Variants in PSMG2 observed in about 807,000 individuals in gnomAD.
PSMG2 encodes proteasome assembly chaperone 2.
In PSMG2, 21 loss-of-function variants were observed where a neutral mutation model predicts 31.5. The observed-to-expected ratio is 0.67, with a 90% CI of 0.47 to 0.96. PSMG2 has a LOEUF of 0.96. PSMG2 is among the 40% of genes least tolerant of loss of function. The pLI is 0.00. For synonymous variants in PSMG2, 120 were observed against 110.4 expected, an observed-to-expected ratio of 1.09 and a Z score of -0.54; for missense variants, 318 against 321.2, an observed-to-expected ratio of 0.99 and a Z score of 0.08.
At chr18:12,673,810 G>A (rs1436753870) in intron 1 of PSMG2, among the ~76,000 whole-genome samples, 32 of 152,240 alleles carry the variant, frequency 2.1e-4, no homozygotes, top group Admixed American at 2.1e-3. Context: ...GAATCCAGGA[G>A]GCAGAGGTTG....
chr18:12,703,217 C>A (rs2040217420), intron 1 of PSMG2, 53 bp downstream of exon 1: 2 of 1,546,254 alleles, frequency 1.3e-6, no homozygotes, highest in Non-Finnish European at 1.8e-6. Flanking sequence ...CCTGCGGTGT[C>A]GCCACCCCGA....
At position 12,705,227 on chromosome 18, in the gene PSMG2, G is replaced by A. The variant is rs112696761; in HGVS notation, c.58-1323G>A. ...TTATAGGCATGCACCACCACGCCCA[G>A]CTAATTTTGTATTTTTGGTAGAGAC... On this transcript the variant is annotated intron_variant, in intron 1 of 6. Transcript: ENST00000317615. Among the ~76,000 whole-genome samples the A allele has an allele frequency of 9.2e-3, 1,406 of 152,178 alleles. 24 individuals are homozygous for A. The highest frequency in any genetic ancestry group is 0.032 in the African/African-American group (1,341 of 41,514).
At chr18:12,701,958 C>T (rs1324938656), upstream of PSMG2, among the ~76,000 whole-genome samples, 1 of 152,034 alleles carries the variant, frequency 6.6e-6, no homozygotes, top group African/African-American at 2.4e-5. Flanking sequence ...GTGAAACCGT[C>T]TCTACTAAAA....
rs768143998 is a variant in PSMG2 at position 12,703,154 on chromosome 18, C to T, written c.47C>T (p.Thr16Ile). 9.9e-6 allele frequency: 16 copies of T among 1,611,102 alleles called. No individual in the cohort carries two copies. The highest frequency in any genetic ancestry group is 1.2e-5 in the Non-Finnish European group (14 of 1,179,140). Residue 16 changes from threonine (T) to isoleucine (I), a missense_variant, in exon 1 of 7, where the codon ACC (threonine) becomes ATC (isoleucine). By Grantham distance (89) the Thr-to-Ile change is moderately conservative. Coordinates refer to ENST00000317615, the MANE Select transcript of PSMG2 (RefSeq NM_020232.5). Reference protein sequence around the residue: ...GESAPDLAGFTLLMPAVSVGN... With the variant: ...GESAPDLAGFILLMPAVSVGN... ...TCGGCCCCCGACCTTGCCGGCTTCA[C>T]CCTCCTAATGGTGAGTCTCCATTTG...
chr18:12,668,310 G>C lies in PSMG2; in HGVS notation c.-37+9537G>C, dbSNP rs1035810491. Among the ~76,000 whole-genome samples the C allele has an allele frequency of 2.0e-5, 3 of 151,750 alleles. No individual in the cohort carries two copies. In the East Asian group the frequency reaches 5.8e-4, roughly 29 times the overall value. On this transcript the variant is annotated intron_variant, in intron 1 of 6. Transcript: ENST00000585331. Reference sequence around the variant, plus strand: ...CCACTGGCCAAAAAAAGTGGATGGAGGCTGGGTGCCGTCGCAGATGCCAAT... The same window carrying C: ...CCACTGGCCAAAAAAAGTGGATGGACGCTGGGTGCCGTCGCAGATGCCAAT...
chr18:12,664,326 G>A (rs986045022), intron 1 of PSMG2, among the ~76,000 whole-genome samples: 9 of 151,928 alleles, frequency 5.9e-5, no homozygotes, highest in Non-Finnish European at 1.2e-4. Context: ...GGTGGATCAC[G>A]AGGCCAGGAG....
intron 3 of PSMG2, among the ~76,000 whole-genome samples, chr18:12,713,656 T>C (rs1386115676): frequency 2.6e-5 from 4 of 152,214 alleles, no homozygotes; most frequent in Non-Finnish European, 5.9e-5. Context: ...TACTTGGCCA[T>C]ATTGGTTCCA....
chr18:12,708,700 C>CTTTTTT (rs71371298), intron 2 of PSMG2, among the ~76,000 whole-genome samples: 5 of 88,750 alleles, frequency 5.6e-5, no homozygotes, highest in African/African-American at 8.7e-5. Context: ...TTACAACGTT[C>CTTTTTT]TTTTTTTTTT....
chr18:12,687,072 ACTGT>A (rs987896223), intron 1 of PSMG2, among the ~76,000 whole-genome samples: 18 of 152,166 alleles, frequency 1.2e-4, no homozygotes, highest in African/African-American at 4.1e-4. Context: ...GTCTCTGATG[ACTGT>A]CTACCACTGT....
At chr18:12,709,006 C>T (rs567481923) in intron 2 of PSMG2, among the ~76,000 whole-genome samples, 55 of 151,916 alleles carry the variant, frequency 3.6e-4, no homozygotes, top group African/African-American at 6.0e-4. Context: ...GGAGCAACTG[C>T]GCCCGGCCCC....
intron 1 of PSMG2, chr18:12,691,440 AAG>A (rs1419306451): frequency 3.1e-6 from 5 of 1,609,200 alleles, no homozygotes; most frequent in Non-Finnish European, 4.2e-6. Context: ...TAGCATATAC[AAG>A]AAATAATCGC....
intron 3 of PSMG2, among the ~76,000 whole-genome samples, chr18:12,717,166 CT>C (rs2040384962): frequency 6.6e-6 from 1 of 150,986 alleles, no homozygotes; most frequent in African/African-American, 2.4e-5. Context: ...CTAGGCTGGG[CT>C]TTAACTCCTG....
At chr18:12,693,447 AC>A (rs1391785468) in intron 1 of PSMG2, among the ~76,000 whole-genome samples, 1 of 152,074 alleles carries the variant, frequency 6.6e-6, no homozygotes, top group Non-Finnish European at 1.5e-5. Flanking sequence ...ATTAAAAAAA[AC>A]AAGCTACTAC....
intron 1 of PSMG2, chr18:12,685,936 GGTATA>G: frequency 6.0e-6 from 1 of 165,898 alleles, no homozygotes; most frequent in Middle Eastern, 3.0e-3. Context: ...CAGCCAAAAT[GGTATA>G]GTATTTTATA....
At chr18:12,667,684 C>T (rs1250574311) in intron 1 of PSMG2, among the ~76,000 whole-genome samples, 1 of 149,610 alleles carries the variant, frequency 6.7e-6, no homozygotes, top group Non-Finnish European at 1.5e-5. Flanking sequence ...TTGCTTGAAT[C>T]TGGGAGGCAG....
chr18:12,661,321 A>C, intron 1 of PSMG2: 1 of 978,934 alleles, frequency 1.0e-6, no homozygotes, highest in Non-Finnish European at 1.2e-6. Flanking sequence ...AAAAGAAGAA[A>C]AAAAATTGAT....
At chr18:12,704,465 C>G (rs951586920) in intron 1 of PSMG2, among the ~76,000 whole-genome samples, 11 of 151,902 alleles carry the variant, frequency 7.2e-5, no homozygotes, top group African/African-American at 2.7e-4. Flanking sequence ...TTTCCTGCAC[C>G]TGTATCTCAG....
At chr18:12,664,867 T>G (rs140432144) in intron 1 of PSMG2, among the ~76,000 whole-genome samples, 5 of 148,498 alleles carry the variant, frequency 3.4e-5, no homozygotes, top group African/African-American at 1.3e-4. Context: ...CCCAGCTAAC[T>G]TTTGTATTTT....
rs201930547 is a variant in PSMG2 at position 12,724,660 on chromosome 18, G to T, written c.702+41G>T. ...GCTTAAGCCTCTTCTTTGTCTGGTT[G>T]TATTCATTAACTCGCACTTTATATA... On this transcript the variant is annotated intron_variant, in intron 6 of 6. Coordinates refer to ENST00000317615, the MANE Select transcript of PSMG2 (RefSeq NM_020232.5). 2.0e-6 allele frequency: 3 copies of T among 1,532,102 alleles called. No individual in the cohort carries two copies. The East Asian group carries it at 7.3e-5, about 37-fold the overall frequency. The allele number at this position is 1,532,102 out of a possible 1,614,324, so 94.9% of individuals were successfully genotyped here.
Sources: gnomAD v4.1 joint callset for allele counts (sites outside exome capture counted in the v4.1 genomes callset) on GRCh38, gnomAD v4.1.1 for gene constraint, MANE v1.5 for transcripts, NCBI Gene and HGNC (gene_info 2026-07-23, HGNC 2026-07-21) for gene names.